The following MERTK variants were observed in gnomAD, a reference collection of about 807,000 sequenced individuals.
The protein encoded by MERTK is MER proto-oncogene, tyrosine kinase, also known as tyrosine-protein kinase Mer.
In MERTK, 69 loss-of-function variants were observed where a neutral mutation model predicts 99.3. That is an observed-to-expected ratio of 0.70 (90% confidence interval 0.57 to 0.85). The LOEUF (loss-of-function observed/expected upper bound fraction) is 0.85. Among genes scored for constraint, MERTK ranks in the 40% least tolerant of loss-of-function variants. The probability of loss-of-function intolerance (pLI) is 0.00; values close to 1 mark genes in which losing one functional copy is unlikely to be tolerated. For missense variants in MERTK, 1,125 were observed against 1,249.4 expected (o/e 0.90, Z 1.50); for synonymous variants, 426 against 467.6 (o/e 0.91, Z 1.15).
chr2:111,981,467 T>C (rs1385931745), intron 7 of MERTK, among the ~76,000 whole-genome samples: 1 of 152,146 alleles, frequency 6.6e-6, no homozygotes, highest in Non-Finnish European at 1.5e-5. Flanking sequence ...CAGGCTGAAG[T>C]GCAGTGGCAT....
At chr2:111,914,101 C>CTTTTTTTTTTTTTTTTTTTTTTT (rs765850254) in intron 1 of MERTK, among the ~76,000 whole-genome samples, 1 of 94,456 alleles carries the variant, frequency 1.1e-5, no homozygotes, top group African/African-American at 4.8e-5. Flanking sequence ...TTCTTTCTTT[C>CTTTTTTTTTTTTTTTTTTTTTTT]TTTTTTTTTT....
chr2:111,973,569 G>A (rs1018742132), intron 6 of MERTK, among the ~76,000 whole-genome samples: 1 of 152,238 alleles, frequency 6.6e-6, no homozygotes, highest in Middle Eastern at 3.4e-3. Flanking sequence ...TTACAGTACT[G>A]TATATCCAGA....
At chr2:111,947,619 C>T (rs1217166237) in intron 4 of MERTK, 52 bp downstream of exon 4, 4 of 1,606,766 alleles carry the variant, frequency 2.5e-6, no homozygotes, top group Non-Finnish European at 3.4e-6. Flanking sequence ...CGGACAGGAT[C>T]AAAAGTTTGG....
At chr2:111,932,244 C>T (rs1318734880) in intron 2 of MERTK, among the ~76,000 whole-genome samples, 9 of 152,268 alleles carry the variant, frequency 5.9e-5, no homozygotes, top group East Asian at 1.9e-4. Context: ...TGCAGTGGCG[C>T]GACCTCGGCT....
chr2:111,937,823 G>A (rs936245683), intron 2 of MERTK, among the ~76,000 whole-genome samples: 15 of 152,076 alleles, frequency 9.9e-5, no homozygotes, highest in Admixed American at 4.6e-4. Context: ...TTACCCTGTC[G>A]GCACCATGTG....
At chr2:111,932,306 C>T (rs528223866) in intron 2 of MERTK, among the ~76,000 whole-genome samples, 24 of 152,242 alleles carry the variant, frequency 1.6e-4, no homozygotes, top group African/African-American at 3.6e-4. Context: ...CTCAGCCTCC[C>T]GAGTAGCTGG....
intron 8 of MERTK, among the ~76,000 whole-genome samples, chr2:111,986,935 G>A (rs1233375311): frequency 6.6e-6 from 1 of 152,138 alleles, no homozygotes; most frequent in Admixed American, 6.5e-5. Flanking sequence ...TGGAAGAAAG[G>A]TGGACCCTGG....
At chr2:111,949,407 T>G (rs1685016397) in intron 4 of MERTK, among the ~76,000 whole-genome samples, 1 of 152,188 alleles carries the variant, frequency 6.6e-6, no homozygotes. Context: ...CCCTACCTAT[T>G]AACTCTGAAT....
In MERTK at chr2:111,982,944, A is replaced by T. The variant is rs759851635; in HGVS notation, c.1247A>T (p.Glu416Val). The T allele has an allele frequency of 1.9e-6, 3 of 1,614,064 alleles. No homozygotes were observed. The highest frequency in any genetic ancestry group is 3.3e-5 in the Admixed American group (2 of 60,010). Reference protein sequence around the residue: ...MKPPTKQQDGELVGYRISHVW... With the variant: ...MKPPTKQQDGVLVGYRISHVW... ...CCTCCGACTAAGCAGCAGGATGGAG[A>T]ACTGGTGGGCTACCGGATATCCCAC... The change falls in exon 8 of 19, where the codon GAA becomes GTA. Residue 416 changes from glutamate (E) to valine (V), a missense_variant. Glu to Val is a moderately radical substitution (Grantham distance 121). Coordinates refer to ENST00000295408, the MANE Select transcript of MERTK (RefSeq NM_006343.3).
chr2:111,969,560 G>A (rs1040815874), intron 6 of MERTK, among the ~76,000 whole-genome samples: 27 of 152,040 alleles, frequency 1.8e-4, no homozygotes, highest in African/African-American at 6.0e-4. Flanking sequence ...GTTTTTACTC[G>A]CTAGTCAAAT....
chr2:112,026,958 G>A (rs991562119), intron 18 of MERTK, among the ~76,000 whole-genome samples: 4 of 150,692 alleles, frequency 2.7e-5, no homozygotes, highest in East Asian at 1.9e-4. Flanking sequence ...GTCCAATGAC[G>A]TATGAATTAT....
Position 111,975,346 on chromosome 2 carries a change from T to C in MERTK, c.1018T>C (p.Leu340=). ...GSVMIFNTSA[L]PHLYQIKQLQ... The stretch of plus-strand genomic sequence containing the variant: ...AGTCATGATTTTTAACACCTCTGCC[T>C]TACCACATCTGTACCAAATCAAGCA... The change falls in exon 7 of 19, where the codon TTA becomes CTA. Residue 340 remains leucine, a synonymous_variant. Coordinates refer to ENST00000295408, the MANE Select transcript of MERTK (RefSeq NM_006343.3). 6.2e-7 allele frequency: 1 copy of C among 1,614,182 alleles called. No individual in the cohort carries two copies. The highest frequency in any genetic ancestry group is 1.1e-5 in the South Asian group (1 of 91,082).
chr2:111,929,809 C>A (rs1379693515), intron 2 of MERTK, among the ~76,000 whole-genome samples: 1 of 151,660 alleles, frequency 6.6e-6, no homozygotes, highest in African/African-American at 2.4e-5. Flanking sequence ...CCATGATGCC[C>A]AGGCTGGTCT....
At chr2:112,021,104 G>A (rs1677336652) in intron 16 of MERTK, among the ~76,000 whole-genome samples, 1 of 151,956 alleles carries the variant, frequency 6.6e-6, no homozygotes. Context: ...GGAGACTGAG[G>A]CAGGAAAATT....
chr2:112,022,172 T>A, intron 17 of MERTK, 86 bp from the exon 18 acceptor site: 1 of 1,579,362 alleles, frequency 6.3e-7, no homozygotes, highest in Non-Finnish European at 8.7e-7. Context: ...CATCAGTGTT[T>A]AAGGAAATGA....
rs768948853 is a variant in MERTK, at chr2:112,003,971, G to A, written c.1854G>A (p.Val618=). 5 of 1,612,800 alleles carry A rather than the reference G, an allele frequency of 3.1e-6. No homozygotes were observed. Among genetic ancestry groups the A allele is most frequent in the Non-Finnish European group, 4.2e-6 (5 of 1,178,922 alleles). ...QEDGTSLKVA[V]KTMKLDNSSQ... ...ATGGGACCTCTCTGAAAGTGGCAGT[G>A]AAGACCATGAAGTGTGAGTTATCAG... The change falls in exon 13 of 19, where the codon GTG becomes GTA. Residue 618 remains valine, a synonymous_variant. Transcript: ENST00000295408.
intron 8 of MERTK, among the ~76,000 whole-genome samples, chr2:111,992,304 C>T (rs1676636670): frequency 6.6e-6 from 1 of 152,104 alleles, no homozygotes; most frequent in Non-Finnish European, 1.5e-5. Context: ...CCATGAAAGG[C>T]CCATGAGGAT....
intron 1 of MERTK, among the ~76,000 whole-genome samples, chr2:111,926,523 T>G (rs1193168667): frequency 1.3e-5 from 2 of 152,120 alleles, no homozygotes; most frequent in Non-Finnish European, 2.9e-5. Flanking sequence ...GGTCAAGAGA[T>G]GAAGACCATC....
intron 1 of MERTK, among the ~76,000 whole-genome samples, chr2:111,928,831 T>C (rs1684615654): frequency 6.6e-6 from 1 of 152,208 alleles, no homozygotes; most frequent in Admixed American, 6.5e-5. Flanking sequence ...CTTCTTCTTA[T>C]ACTGCTGAGT....
Sources: allele counts gnomAD v4.1 joint callset (sites outside exome capture counted in the v4.1 genomes callset), GRCh38; gene constraint gnomAD v4.1.1; transcripts MANE v1.5; gene names NCBI Gene and HGNC (gene_info 2026-07-23, HGNC 2026-07-21).